KCNN3: variants seen among roughly 807,000 people sequenced by gnomAD.
The protein encoded by KCNN3 is potassium calcium-activated channel subfamily N member 3.
Under a neutral mutation model 62.9 loss-of-function variants are expected in KCNN3, and 16 were observed. That is an observed-to-expected ratio of 0.25 (90% CI 0.17 to 0.39). The LOEUF (loss-of-function observed/expected upper bound fraction) is 0.39, where lower values mean the gene tolerates loss of function less well. Among genes scored for constraint, KCNN3 ranks in the 10% least tolerant of loss-of-function variants. The pLI is 1.00. For synonymous variants in KCNN3, 370 were observed against 389.2 expected (o/e 0.95, Z 0.58); for missense variants, 599 against 949.4 (o/e 0.63, Z 4.85).
At chr1:154,726,492 A>C (rs7540408) in intron 4 of KCNN3, among the ~76,000 whole-genome samples, 3,264 of 152,330 alleles carry the variant, frequency 0.021, 113 homozygotes, top group African/African-American at 0.075. Flanking sequence ...GCTGGGGTGC[A>C]GATGGAACAC....
intron 1 of KCNN3, 109 bp downstream of exon 1, chr1:154,868,923 T>A: frequency 1.9e-6 from 2 of 1,080,734 alleles, no homozygotes; most frequent in South Asian, 1.3e-5. Context: ...TCTCTCTCTC[T>A]CTCTCTCTCT....
At chr1:154,777,207 C>G (rs79835553) in intron 2 of KCNN3, among the ~76,000 whole-genome samples, 1,611 of 152,074 alleles carry the variant, frequency 0.011, 32 homozygotes, top group African/African-American at 0.037. Flanking sequence ...TTCTGTGGTT[C>G]TACACAGACC....
chr1:154,771,991 C>A lies in KCNN3; in HGVS notation c.1432G>T (p.Val478Phe). 6.2e-7 allele frequency: 1 copy of A among 1,614,058 alleles called. No homozygotes were observed. Among genetic ancestry groups the A allele is most frequent in the Non-Finnish European group, 8.5e-7 (1 of 1,180,020 alleles). The change falls in exon 3 of 8, where the codon GTC becomes TTC. Residue 478 changes from valine (V) to phenylalanine (F), a missense_variant. Coordinates refer to ENST00000271915, the MANE Select transcript of KCNN3 (RefSeq NM_002249.6). ...ISLWIIAAWT[V>F]RVCERYHDQQ... is the part of the protein sequence containing the mutation. ...GTGGAATACCTTTCACAGACACGGA[C>A]GGTCCAGGCAGCAATGATCCACAGA...
At chr1:154,847,318 C>T (rs1652115148) in intron 1 of KCNN3, among the ~76,000 whole-genome samples, 1 of 152,124 alleles carries the variant, frequency 6.6e-6, no homozygotes, top group Non-Finnish European at 1.5e-5. Flanking sequence ...TCTTTCCTCT[C>T]TGGAGCCTGA....
intron 1 of KCNN3, among the ~76,000 whole-genome samples, chr1:154,843,127 G>C (rs1651905202): frequency 6.6e-6 from 1 of 152,112 alleles, no homozygotes; most frequent in Non-Finnish European, 1.5e-5. Flanking sequence ...AGATGCTGAA[G>C]AAGTATGTTG....
At chr1:154,834,772 T>C (rs1651518664) in intron 1 of KCNN3, among the ~76,000 whole-genome samples, 1 of 152,134 alleles carries the variant, frequency 6.6e-6, no homozygotes, top group Non-Finnish European at 1.5e-5. Flanking sequence ...GATTATACAA[T>C]TTGCCAAGAT....
At chr1:154,804,333 G>A (rs1315672102) in intron 2 of KCNN3, among the ~76,000 whole-genome samples, 3 of 152,264 alleles carry the variant, frequency 2.0e-5, no homozygotes, top group Non-Finnish European at 4.4e-5. Context: ...CTTCGCAAAT[G>A]CGGATGGATG....
At chr1:154,732,691 C>T (rs1290956838) in intron 4 of KCNN3, among the ~76,000 whole-genome samples, 2 of 152,182 alleles carry the variant, frequency 1.3e-5, no homozygotes, top group Non-Finnish European at 2.9e-5. Flanking sequence ...GGTGGCTGCA[C>T]AGCAGTGGGG....
intron 2 of KCNN3, among the ~76,000 whole-genome samples, chr1:154,807,579 C>T (rs1650228097): frequency 1.3e-5 from 2 of 152,234 alleles, no homozygotes; most frequent in Non-Finnish European, 2.9e-5. Context: ...AGGATGTAAA[C>T]TCCCTGCCTG....
In KCNN3 at chr1:154,862,962, G is replaced by A. The variant is rs568927688; in HGVS notation, c.933+6070C>T. ...GGGTTCTTATCTCAGTGCCACCACC[G>A]CTGGCAGTGTCAGTGTGGCCCGGTG... On this transcript the variant is annotated intron_variant, in intron 1 of 7. Transcript: ENST00000271915. The surrounding 1 kb of genome is among the most constrained non-coding windows in gnomAD (Gnocchi z 4.1). Among the ~76,000 whole-genome samples the A allele has an allele frequency of 2.3e-4, 35 of 152,298 alleles. No individual in the cohort carries two copies. The highest frequency in any genetic ancestry group is 7.2e-4 in the African/African-American group (30 of 41,556).
intron 5 of KCNN3, among the ~76,000 whole-genome samples, chr1:154,724,274 T>C (rs1263522092): frequency 1.3e-5 from 2 of 152,224 alleles, no homozygotes; most frequent in Non-Finnish European, 2.9e-5. Flanking sequence ...ATTCTCTCTC[T>C]CTCTCTTTTT....
intron 3 of KCNN3, 59 bp from the exon 4 acceptor site, chr1:154,733,203 T>C: frequency 1.9e-6 from 3 of 1,563,146 alleles, no homozygotes; most frequent in Non-Finnish European, 2.6e-6. Context: ...GTAAGGGCTG[T>C]GGGCAAACCT....
chr1:154,758,996 C>T (rs969583868), intron 3 of KCNN3, among the ~76,000 whole-genome samples: 4 of 152,126 alleles, frequency 2.6e-5, no homozygotes, highest in South Asian at 4.1e-4. Context: ...TTAATAGAGA[C>T]AGCGTTTCGC....
At position 154,702,529 on chromosome 1, in the gene KCNN3, G is replaced by A. The variant is rs982150255; in HGVS notation, c.*5447C>T. 6.6e-6 allele frequency: 1 copy of A among 150,886 alleles called. No homozygotes were observed. Among genetic ancestry groups the A allele is most frequent in the Non-Finnish European group, 1.5e-5 (1 of 67,802 alleles). The allele number at this position is 150,886 out of a possible 1,614,324, so 9.3% of individuals were successfully genotyped here. On this transcript the variant is annotated 3_prime_UTR_variant, in exon 8 of 8. Transcript: ENST00000271915. The stretch of plus-strand genomic sequence containing the variant: ...GTTCTCGTGGCCAGTGCAGAATGGA[G>A]AGTCTGGGACCAAAATTGAGTTGTT...
Position 154,853,887 on chromosome 1 carries a change from T to C in KCNN3, c.933+15145A>G, listed in dbSNP as rs557656551. ...TGAATCTGGGAGGCGGAAGTTGCAG[T>C]GAGCCGAGATCACGCCACTGCACTC... On this transcript the variant is annotated intron_variant, in intron 1 of 7. Coordinates refer to ENST00000271915, the MANE Select transcript of KCNN3 (RefSeq NM_002249.6). Among the ~76,000 whole-genome samples, 6 of 151,760 alleles carry C rather than the reference T, an allele frequency of 4.0e-5. No homozygotes were observed. The East Asian group carries it at 1.2e-3, about 30-fold the overall frequency.
intron 3 of KCNN3, among the ~76,000 whole-genome samples, chr1:154,739,677 T>C (rs1040943053): frequency 6.6e-6 from 1 of 152,128 alleles, no homozygotes; most frequent in Non-Finnish European, 1.5e-5. Context: ...ATGGCAGAAG[T>C]GATAGACTTT....
In KCNN3 at chr1:154,772,202, C is replaced by G. The variant is rs372161618; in HGVS notation, c.1221G>C (p.Leu407=). Residue 407 remains leucine, a synonymous_variant, in exon 3 of 8, where the codon CTG becomes CTC. Transcript: ENST00000271915. The surrounding 1 kb of genome is among the most constrained non-coding windows in gnomAD (Gnocchi z 5.6). ...SRAEADVDII[L]SIPMFLRLYL... is the part of the protein sequence containing the mutation. ...ACAGGCGCAGGAACATGGGGATAGACAGGATGATGTCCACATCGGCCTCCG... is the reference window on the plus strand; with the variant it reads ...ACAGGCGCAGGAACATGGGGATAGAGAGGATGATGTCCACATCGGCCTCCG... 5.6e-6 allele frequency: 9 copies of G among 1,614,130 alleles called. No homozygotes were observed. The highest frequency in any genetic ancestry group is 7.6e-6 in the Non-Finnish European group (9 of 1,180,048).
chr1:154,730,288 G>C (rs1374119638), intron 4 of KCNN3, among the ~76,000 whole-genome samples: 2 of 152,214 alleles, frequency 1.3e-5, no homozygotes, highest in Non-Finnish European at 2.9e-5. Flanking sequence ...CTTAATGGTT[G>C]ATAATTACAT....
intron 2 of KCNN3, among the ~76,000 whole-genome samples, chr1:154,799,995 G>A (rs1453777913): frequency 1.3e-5 from 2 of 152,312 alleles, no homozygotes; most frequent in East Asian, 3.9e-4. Context: ...GTAAACGGAG[G>A]CCACATTCAT....
Sources: gnomAD v4.1 joint callset for allele counts (sites outside exome capture counted in the v4.1 genomes callset) on GRCh38, gnomAD v4.1.1 for gene constraint, Gnocchi (gnomAD v3.1) non-coding constraint, MANE v1.5 for transcripts, NCBI Gene and HGNC (gene_info 2026-07-23, HGNC 2026-07-21) for gene names.